The following UTRN variants were observed in gnomAD, a reference collection of about 807,000 sequenced individuals.
UTRN encodes the protein dystrophin-related protein 1.
Under a neutral mutation model 463.9 loss-of-function variants are expected in UTRN, and 283 were observed. That is an observed-to-expected ratio of 0.61 (90% CI 0.55 to 0.67). The LOEUF is 0.67. Among genes scored for constraint, UTRN ranks in the 30% least tolerant of loss-of-function variants. The probability of loss-of-function intolerance (pLI) is 0.00; values close to 1 mark genes in which losing one functional copy is unlikely to be tolerated. For missense variants in UTRN, 3,922 were observed against 4,084.3 expected (o/e 0.96, Z 1.08); for synonymous variants, 1,442 against 1,431.5 (o/e 1.01, Z -0.17).
chr6:144,613,648 C>T (rs1235360211), intron 51 of UTRN, among the ~76,000 whole-genome samples: 1 of 151,950 alleles, frequency 6.6e-6, no homozygotes, highest in Non-Finnish European at 1.5e-5. Flanking sequence ...CATGAAAGGA[C>T]TTTCTAGAGT....
At chr6:144,432,501 C>G (rs1477980056) in intron 9 of UTRN, among the ~76,000 whole-genome samples, 1 of 152,114 alleles carries the variant, frequency 6.6e-6, no homozygotes, top group African/African-American at 2.4e-5. Flanking sequence ...GATGGCATTA[C>G]ATTTTTGAAA....
chr6:144,356,883 A>ATG (rs35404291), intron 2 of UTRN, among the ~76,000 whole-genome samples: 151,527 of 151,570 alleles, frequency 1, 75,742 homozygotes, highest in Middle Eastern at 1. Context: ...ATATATACAT[A>ATG]TGTGTGTGTA....
chr6:144,546,840 AAAC>A (rs1053034637), intron 46 of UTRN, among the ~76,000 whole-genome samples: 13 of 152,042 alleles, frequency 8.6e-5, no homozygotes, highest in South Asian at 2.1e-4. Flanking sequence ...ACAAACAAAC[AAAC>A]AACTCTGTTT....
At chr6:144,404,260 T>C (rs1183062895) in intron 3 of UTRN, among the ~76,000 whole-genome samples, 1 of 152,126 alleles carries the variant, frequency 6.6e-6, no homozygotes, top group Admixed American at 6.6e-5. Context: ...TACAGAGAAT[T>C]AGAACATAAA....
At chr6:144,416,104 C>G (rs952814532) in intron 3 of UTRN, among the ~76,000 whole-genome samples, 1 of 151,734 alleles carries the variant, frequency 6.6e-6, no homozygotes, top group Non-Finnish European at 1.5e-5. Context: ...TGGCCTTTCT[C>G]CAGAGTTGAC....
chr6:144,736,783 G>A (rs1358719782), intron 54 of UTRN, among the ~76,000 whole-genome samples: 1 of 152,142 alleles, frequency 6.6e-6, no homozygotes, highest in African/African-American at 2.4e-5. Flanking sequence ...CCCACCTTGT[G>A]CCTCTCTTCA....
chr6:144,572,193 G>A (rs2128622405), intron 50 of UTRN, among the ~76,000 whole-genome samples: 1 of 152,142 alleles, frequency 6.6e-6, no homozygotes, highest in South Asian at 2.1e-4. Flanking sequence ...CCTCTTTTCT[G>A]TGATCTCCTC....
intron 11 of UTRN, among the ~76,000 whole-genome samples, chr6:144,438,036 C>T (rs1321717008): frequency 1.3e-5 from 2 of 152,162 alleles, no homozygotes; most frequent in Non-Finnish European, 2.9e-5. Context: ...GAGGCCAACG[C>T]GGATGGATCA....
intron 52 of UTRN, among the ~76,000 whole-genome samples, chr6:144,697,441 G>C (rs1254809394): frequency 1.3e-5 from 2 of 152,010 alleles, no homozygotes; most frequent in Non-Finnish European, 2.9e-5. Context: ...CAAAGCATTC[G>C]ACCTGTTGCC....
intron 50 of UTRN, among the ~76,000 whole-genome samples, chr6:144,566,742 G>C (rs536746808): frequency 6.6e-6 from 1 of 152,320 alleles, no homozygotes; most frequent in Admixed American, 6.5e-5. Context: ...TTGCCTGGAA[G>C]ATGGGTGAAC....
At chr6:144,631,077 A>G (rs1776457562) in intron 51 of UTRN, among the ~76,000 whole-genome samples, 1 of 152,140 alleles carries the variant, frequency 6.6e-6, no homozygotes, top group African/African-American at 2.4e-5. Context: ...GTTGCAGTGG[A>G]AAGATCCTTC....
At chr6:144,664,102 GT>G (rs1427362128) in intron 51 of UTRN, among the ~76,000 whole-genome samples, 5 of 152,184 alleles carry the variant, frequency 3.3e-5, no homozygotes, top group African/African-American at 1.2e-4. Context: ...CCTAATCTCA[GT>G]ACTTGTGAAG....
At chr6:144,378,288 A>G (rs1270827459) in intron 2 of UTRN, among the ~76,000 whole-genome samples, 1 of 152,222 alleles carries the variant, frequency 6.6e-6, no homozygotes. Flanking sequence ...AGACTTAATA[A>G]ACACTTTCAA....
At chr6:144,741,303 G>T (rs1027594031) in intron 54 of UTRN, among the ~76,000 whole-genome samples, 2 of 152,198 alleles carry the variant, frequency 1.3e-5, no homozygotes, top group African/African-American at 4.8e-5. Flanking sequence ...CTGGGAAGCA[G>T]CCTGGGGAGA....
chr6:144,703,877 G>A (rs1784828432), intron 53 of UTRN, among the ~76,000 whole-genome samples: 1 of 151,882 alleles, frequency 6.6e-6, no homozygotes, highest in South Asian at 2.1e-4. Flanking sequence ...AAGAATGTAG[G>A]GTCAAGTAGT....
chr6:144,789,789 A>G (rs944153699), intron 62 of UTRN, among the ~76,000 whole-genome samples: 1 of 152,218 alleles, frequency 6.6e-6, no homozygotes, highest in Non-Finnish European at 1.5e-5. Context: ...CTAAATAAAT[A>G]TATTTTACAG....
chr6:144,349,012 C>T (rs901702313), intron 2 of UTRN, among the ~76,000 whole-genome samples: 1 of 148,842 alleles, frequency 6.7e-6, no homozygotes, highest in Non-Finnish European at 1.5e-5. Context: ...CTGAGCAGTT[C>T]TTTTTTTTTT....
rs1584423249 is a variant in UTRN at position 144,357,623 on chromosome 6, G to A, written c.80-45500G>A. Among the ~76,000 whole-genome samples the A allele has an allele frequency of 2.0e-5, 3 of 152,334 alleles. 1 individual carries two copies. Among genetic ancestry groups the A allele is most frequent in the South Asian group, 4.1e-4 (2 of 4,824 alleles). On this transcript the variant is annotated intron_variant, in intron 2 of 74. Transcript: ENST00000367545. ...CAAGTCTACAAGAACGGAATAGTCA[G>A]TGGGATATGAGGATCAGATAAAAAT...
At chr6:144,496,352 C>G (rs1793643774) in intron 33 of UTRN, among the ~76,000 whole-genome samples, 1 of 152,116 alleles carries the variant, frequency 6.6e-6, no homozygotes, top group Non-Finnish European at 1.5e-5. Flanking sequence ...ATTTTGATCT[C>G]ACTTCTGCAA....
Sources: gnomAD v4.1 joint callset for allele counts (sites outside exome capture counted in the v4.1 genomes callset) on GRCh38, gnomAD v4.1.1 for gene constraint, MANE v1.5 for transcripts, NCBI Gene and HGNC (gene_info 2026-07-23, HGNC 2026-07-21) for gene names.